XKR9: variants seen among roughly 807,000 people sequenced by gnomAD.
XKR9 encodes the protein XK related 9.
Under a neutral mutation model 32.0 loss-of-function variants are expected in XKR9, and 32 were observed. The observed-to-expected ratio is 1.00, with a 90% CI of 0.76 to 1.34. XKR9 has a LOEUF of 1.34. Among genes scored for constraint, XKR9 ranks in the 40% most tolerant of loss-of-function variants. XKR9 has a pLI of 0.00. For missense variants in XKR9, 546 were observed against 429.7 expected, an observed-to-expected ratio of 1.27 and a Z score of -2.39; for synonymous variants, 168 against 143.4, an observed-to-expected ratio of 1.17 and a Z score of -1.22.
intron 4 of XKR9, among the ~76,000 whole-genome samples, chr8:70,728,307 A>T (rs1341016326): frequency 6.6e-6 from 1 of 152,130 alleles, no homozygotes; most frequent in African/African-American, 2.4e-5. Context: ...AAGGGCGAAG[A>T]CTTCTCTAAC....
intron 2 of XKR9, among the ~76,000 whole-genome samples, chr8:70,751,718 TTGGACTC>T (rs1205334239): frequency 6.6e-6 from 1 of 152,138 alleles, no homozygotes; most frequent in East Asian, 1.9e-4. Context: ...TCTCTGGACT[TTGGACTC>T]TGAGAGTTTT....
chr8:70,791,777 C>T (rs1474907703), downstream of XKR9, among the ~76,000 whole-genome samples: 4 of 152,094 alleles, frequency 2.6e-5, no homozygotes, highest in African/African-American at 9.7e-5. Context: ...GTTATAGCTT[C>T]ACAGAACTGA....
chr8:70,910,856 C>A, the XKR9 span, among the ~76,000 whole-genome samples: 1 of 152,322 alleles, frequency 6.6e-6, no homozygotes, highest in East Asian at 1.9e-4. Context: ...GTAGGACTGA[C>A]GTCCTCATTT....
chr8:70,880,782 A>G, the XKR9 span, among the ~76,000 whole-genome samples: 1 of 152,206 alleles, frequency 6.6e-6, no homozygotes, highest in Non-Finnish European at 1.5e-5. Context: ...CTTAAAGTTC[A>G]TATGGAACCA....
the XKR9 span, among the ~76,000 whole-genome samples, chr8:70,839,441 T>C: frequency 1.3e-5 from 2 of 152,144 alleles, no homozygotes; most frequent in Non-Finnish European, 2.9e-5. Flanking sequence ...TTTAAATACG[T>C]GCTCAGATAA....
At chr8:70,812,334 C>G in the XKR9 span, among the ~76,000 whole-genome samples, 3 of 152,200 alleles carry the variant, frequency 2.0e-5, no homozygotes, top group African/African-American at 7.2e-5. Context: ...CAGCCAATAT[C>G]AGACTGAATG....
intron 2 of XKR9, among the ~76,000 whole-genome samples, chr8:70,785,293 G>A (rs1004808996): frequency 6.6e-6 from 1 of 151,742 alleles, no homozygotes; most frequent in East Asian, 1.9e-4. Flanking sequence ...ATTTATTCAT[G>A]TATAATTATT....
chr8:70,739,951 G>A (rs1483011339), downstream of XKR9, among the ~76,000 whole-genome samples: 5 of 152,100 alleles, frequency 3.3e-5, no homozygotes, highest in Admixed American at 3.3e-4. Context: ...GTGTCTTGGA[G>A]TTGCTCTTCT....
the XKR9 span, among the ~76,000 whole-genome samples, chr8:71,029,799 T>C: frequency 6.6e-6 from 1 of 151,954 alleles, no homozygotes; most frequent in Non-Finnish European, 1.5e-5. Context: ...AAAAGTTGGC[T>C]AATTGACCTA....
At chr8:71,015,675 T>G in the XKR9 span, among the ~76,000 whole-genome samples, 1 of 151,998 alleles carries the variant, frequency 6.6e-6, no homozygotes, top group Admixed American at 6.6e-5. Context: ...CACTGCAAAA[T>G]CATACACCAG....
downstream of XKR9, among the ~76,000 whole-genome samples, chr8:70,795,283 T>C (rs1451963567): frequency 6.6e-6 from 1 of 152,106 alleles, no homozygotes; most frequent in East Asian, 1.9e-4. Flanking sequence ...CTTCAGCTTC[T>C]TCCATGTTCC....
In XKR9 at chr8:70,747,069, G is replaced by A. The variant is rs535663319; in HGVS notation, n.352+39916G>A. The stretch of plus-strand genomic sequence containing the variant: ...CGATAATGGCCTCCAGCTATCCATG[G>A]TTCTGCAGAGGACATGATTTTGTTC... On this transcript the variant is annotated intron_variant and non_coding_transcript_variant, in intron 2 of 3. Transcript: ENST00000520273. Among the ~76,000 whole-genome samples, 6 of 152,222 alleles carry A rather than the reference G, an allele frequency of 3.9e-5. No individual in the cohort carries two copies. The South Asian group carries it at 1.2e-3, about 32-fold the overall frequency.
chr8:70,720,202 G>T (rs937474451), intron 4 of XKR9, among the ~76,000 whole-genome samples: 9 of 152,118 alleles, frequency 5.9e-5, no homozygotes, highest in Non-Finnish European at 1.2e-4. Flanking sequence ...TTTTTGGGCT[G>T]AGACAAGGGG....
At chr8:70,859,692 T>C in the XKR9 span, among the ~76,000 whole-genome samples, 1 of 152,118 alleles carries the variant, frequency 6.6e-6, no homozygotes, top group East Asian at 1.9e-4. Flanking sequence ...TGCAGCAACA[T>C]GGATTGAACT....
the XKR9 span, among the ~76,000 whole-genome samples, chr8:70,809,228 G>T: frequency 6.6e-6 from 1 of 152,170 alleles, no homozygotes; most frequent in Non-Finnish European, 1.5e-5. Flanking sequence ...ACCTGCAGCT[G>T]AGGGTCCTGA....
chr8:70,699,655 C>T (rs62530782), intron 3 of XKR9, among the ~76,000 whole-genome samples: 12,327 of 152,064 alleles, frequency 0.081, 599 homozygotes, highest in Non-Finnish European at 0.1. Context: ...CTGACAATTA[C>T]GTGTCTTGGA....
Position 70,758,552 on chromosome 8 carries a change from A to T in XKR9, n.353-30787A>T, listed in dbSNP as rs185567419. ...GGCACCCATTTAATAATAACTTTTT[A>T]AAAAATATGGGATTACCCAGATAAT... On this transcript the variant is annotated intron_variant and non_coding_transcript_variant, in intron 2 of 3. Transcript: ENST00000520273. 7.3e-3 allele frequency among the ~76,000 whole-genome samples: 1,116 copies of T among 152,280 alleles called. 5 individuals are homozygous for T. Among genetic ancestry groups the T allele is most frequent in the Non-Finnish European group, 9.2e-3 (626 of 68,018 alleles).
chr8:70,684,275 A>T (rs1408471750), intron 3 of XKR9, among the ~76,000 whole-genome samples: 1 of 152,112 alleles, frequency 6.6e-6, no homozygotes, highest in Non-Finnish European at 1.5e-5. Context: ...CCCTTCTGGG[A>T]TGCCAATCAA....
the XKR9 span, among the ~76,000 whole-genome samples, chr8:71,010,150 T>C: frequency 7.2e-5 from 11 of 152,144 alleles, no homozygotes; most frequent in Non-Finnish European, 1.3e-4. Flanking sequence ...GTAAGGATTG[T>C]AGAAAAATGT....
Sources: gnomAD v4.1 joint callset for allele counts (sites outside exome capture counted in the v4.1 genomes callset) on GRCh38, gnomAD v4.1.1 for gene constraint, MANE v1.5 for transcripts, NCBI Gene and HGNC (gene_info 2026-07-23, HGNC 2026-07-21) for gene names.